LMO7: variants seen among roughly 807,000 people sequenced by gnomAD.
LMO7 encodes the protein LIM domain 7, also known as LIM domain only protein 7.
In LMO7, 120 loss-of-function variants were observed where a neutral mutation model predicts 206.5. The observed-to-expected ratio is 0.58, with a 90% CI of 0.50 to 0.68. The LOEUF is 0.68. LMO7 is among the 30% of genes least tolerant of loss of function. The pLI, the probability that LMO7 is intolerant of heterozygous loss-of-function variation, is 0.00. For synonymous variants in LMO7, 706 were observed against 681.5 expected (o/e 1.04, Z -0.56); for missense variants, 1,959 against 1,957.9 (o/e 1.00, Z -0.01).
At chr13:75,836,197 C>T (rs553694199) in intron 18 of LMO7, among the ~76,000 whole-genome samples, 200 bp from the exon 19 acceptor site, 152 of 152,222 alleles carry the variant, frequency 1.0e-3, no homozygotes, top group African/African-American at 3.6e-3. Context: ...ATGCCTGCAG[C>T]TGGTCATTAA....
chr13:75,670,470 A>G (rs150255992), intron 1 of LMO7, among the ~76,000 whole-genome samples: 48 of 152,328 alleles, frequency 3.2e-4, no homozygotes, highest in Admixed American at 3.1e-3. Context: ...CATAGGCTAT[A>G]TAGTGTAGCT....
rs772037784 is a variant in LMO7, at chr13:75,760,922, C to G, written c.211-10C>G. On this transcript the variant is annotated splice_polypyrimidine_tract_variant and intron_variant, in intron 3 of 30. Transcript: ENST00000377534. ...TCAGCTAAGCAATCACTTTCCACTT[C>G]TTTTCACAGGATAATATAAACGTTT... 1.2e-5 allele frequency: 20 copies of G among 1,612,736 alleles called. No homozygotes were observed. The highest frequency in any genetic ancestry group is 1.6e-5 in the Non-Finnish European group (19 of 1,179,510).
At chr13:75,721,386 G>A (rs774008867) in intron 2 of LMO7, among the ~76,000 whole-genome samples, 1 of 152,198 alleles carries the variant, frequency 6.6e-6, no homozygotes, top group African/African-American at 2.4e-5. Flanking sequence ...AGGCGATGCT[G>A]TTTGGAGAGG....
chr13:75,791,853 C>T (rs1448347930), intron 4 of LMO7, among the ~76,000 whole-genome samples: 1 of 152,110 alleles, frequency 6.6e-6, no homozygotes, highest in East Asian at 1.9e-4. Flanking sequence ...TATCATCATA[C>T]CCAAGATAGG....
chr13:75,732,581 T>C (rs2045357653), intron 3 of LMO7, among the ~76,000 whole-genome samples: 1 of 152,248 alleles, frequency 6.6e-6, no homozygotes, highest in Non-Finnish European at 1.5e-5. Flanking sequence ...TTTCCTCCTG[T>C]AGCTCGGAGT....
chr13:75,765,135 T>A (rs1296647578), intron 4 of LMO7, among the ~76,000 whole-genome samples: 1 of 152,146 alleles, frequency 6.6e-6, no homozygotes, highest in Non-Finnish European at 1.5e-5. Flanking sequence ...TTTGTGGTAG[T>A]GCTCTGAAGT....
chr13:75,767,961 T>C (rs886134142), intron 4 of LMO7, among the ~76,000 whole-genome samples: 2 of 152,082 alleles, frequency 1.3e-5, no homozygotes, highest in Non-Finnish European at 2.9e-5. Context: ...ACCCTGGTAA[T>C]AGTAAATTAG....
intron 1 of LMO7, among the ~76,000 whole-genome samples, chr13:75,691,561 A>G (rs1446412074): frequency 1.3e-5 from 2 of 152,050 alleles, no homozygotes; most frequent in Non-Finnish European, 2.9e-5. Context: ...CCTCTGGAGC[A>G]GTTGTTCTAT....
At chr13:75,709,614 T>C (rs936454343) in intron 1 of LMO7, among the ~76,000 whole-genome samples, 2 of 152,254 alleles carry the variant, frequency 1.3e-5, no homozygotes, top group Admixed American at 1.3e-4. Context: ...AAGTGTCTGT[T>C]CATATCCTTT....
At chr13:75,721,399 G>A (rs2044007069) in intron 2 of LMO7, among the ~76,000 whole-genome samples, 1 of 152,188 alleles carries the variant, frequency 6.6e-6, no homozygotes, top group Non-Finnish European at 1.5e-5. Context: ...TGGAGAGGGA[G>A]AGGGTTGTCT....
chr13:75,659,715 C>T (rs760563976), intron 1 of LMO7, among the ~76,000 whole-genome samples: 6 of 152,188 alleles, frequency 3.9e-5, no homozygotes, highest in African/African-American at 1.4e-4. Context: ...GGGACACAGG[C>T]AAACCATATC....
chr13:75,734,697 A>G (rs1277955376), intron 3 of LMO7, among the ~76,000 whole-genome samples: 1 of 152,244 alleles, frequency 6.6e-6, no homozygotes, highest in Non-Finnish European at 1.5e-5. Context: ...AAATATACAT[A>G]AAGTTCCCAG....
intron 23 of LMO7, among the ~76,000 whole-genome samples, chr13:75,841,403 T>C (rs995006037): frequency 6.6e-6 from 1 of 152,236 alleles, no homozygotes; most frequent in Non-Finnish European, 1.5e-5. Flanking sequence ...TAGTACATCA[T>C]TAACAAATTA....
Position 75,771,226 on chromosome 13 carries a change from A to G in LMO7, c.317+10188A>G, listed in dbSNP as rs576066561. Among the ~76,000 whole-genome samples the G allele has an allele frequency of 3.9e-5, 6 of 152,170 alleles. No individual in the cohort carries two copies. In the South Asian group the frequency reaches 1.0e-3, roughly 26 times the overall value. On this transcript the variant is annotated intron_variant, in intron 4 of 30. Coordinates refer to ENST00000377534, the MANE Select transcript of LMO7 (RefSeq NM_001306080.2). ...AGATCATTTATTTGATTTTTTTAAG[A>G]TCTCCTAATTTTAGGAATGTTAAAT... is the stretch of plus-strand genomic sequence containing the variant.
intron 1 of LMO7, among the ~76,000 whole-genome samples, chr13:75,642,713 A>G (rs1207722676): frequency 6.6e-6 from 1 of 152,226 alleles, no homozygotes; most frequent in Non-Finnish European, 1.5e-5. Context: ...GATACCCTCT[A>G]AAACCTTTGT....
intron 3 of LMO7, among the ~76,000 whole-genome samples, chr13:75,750,744 T>C (rs1040907726): frequency 6.6e-6 from 1 of 152,132 alleles, no homozygotes; most frequent in Non-Finnish European, 1.5e-5. Flanking sequence ...GGGGTGTAGC[T>C]AGAGATTCTG....
chr13:75,708,904 G>A (rs967640953), intron 1 of LMO7, among the ~76,000 whole-genome samples: 4 of 152,062 alleles, frequency 2.6e-5, no homozygotes, highest in South Asian at 4.1e-4. Context: ...CCATCAGCTC[G>A]TCATTTAACA....
chr13:75,841,280 C>T (rs2059539084), intron 23 of LMO7, 79 bp downstream of exon 23: 2 of 865,368 alleles, frequency 2.3e-6, no homozygotes, highest in South Asian at 3.3e-5. Flanking sequence ...GGAGACACTT[C>T]ATTTTTCTCC....
intron 1 of LMO7, among the ~76,000 whole-genome samples, chr13:75,710,249 T>C (rs1262892119): frequency 6.6e-6 from 1 of 152,238 alleles, no homozygotes; most frequent in Non-Finnish European, 1.5e-5. Flanking sequence ...TCCAGCTTTT[T>C]TCTTTTGGCT....
Sources: allele counts gnomAD v4.1 joint callset (sites outside exome capture counted in the v4.1 genomes callset), GRCh38; gene constraint gnomAD v4.1.1; transcripts MANE v1.5; gene names NCBI Gene and HGNC (gene_info 2026-07-23, HGNC 2026-07-21).